AFF4: variants seen among roughly 807,000 people sequenced by gnomAD.
AFF4 encodes the protein ALF transcription elongation factor 4, also known as AF4/FMR2 family member 4.
In AFF4, 13 loss-of-function variants were observed where a neutral mutation model predicts 124.8. That is an observed-to-expected ratio of 0.10 (90% CI 0.07 to 0.17). The LOEUF is 0.17. Among genes scored for constraint, AFF4 ranks in the 10% least tolerant of loss-of-function variants. AFF4 has a pLI of 1.00. For synonymous variants in AFF4, 477 were observed against 496.1 expected, an observed-to-expected ratio of 0.96 and a Z score of 0.51; for missense variants, 1,092 against 1,403.8, an observed-to-expected ratio of 0.78 and a Z score of 3.55.
At chr5:132,884,252 A>G (rs1472150561) in intron 19 of AFF4, among the ~76,000 whole-genome samples, 3 of 152,178 alleles carry the variant, frequency 2.0e-5, no homozygotes, top group Non-Finnish European at 4.4e-5. Context: ...ATATATACAT[A>G]TTTTGGAGAC....
At chr5:132,888,698 T>C (rs1383611888) in intron 14 of AFF4, among the ~76,000 whole-genome samples, 4 of 152,086 alleles carry the variant, frequency 2.6e-5, no homozygotes, top group Admixed American at 2.0e-4. Flanking sequence ...TGATCAATGA[T>C]AGATTTTTTT....
At chr5:132,918,157 C>T (rs1399759934) in intron 5 of AFF4, among the ~76,000 whole-genome samples, 2 of 151,988 alleles carry the variant, frequency 1.3e-5, no homozygotes, top group Admixed American at 1.3e-4. Context: ...CTTTGGGAGG[C>T]CAAGGTGGGC....
At chr5:132,925,005 T>G (rs571413787) in intron 5 of AFF4, among the ~76,000 whole-genome samples, 31 of 151,858 alleles carry the variant, frequency 2.0e-4, no homozygotes, top group African/African-American at 7.3e-4. Context: ...TGAAACCCTG[T>G]CTCTACTAAA....
chr5:132,907,803 C>T (rs909550175), intron 5 of AFF4, among the ~76,000 whole-genome samples: 1 of 151,846 alleles, frequency 6.6e-6, no homozygotes, highest in Non-Finnish European at 1.5e-5. Flanking sequence ...AAGAGCATGG[C>T]TTGTACAAGG....
chr5:132,957,379 T>C (rs1761988072), intron 1 of AFF4, among the ~76,000 whole-genome samples: 1 of 151,954 alleles, frequency 6.6e-6, no homozygotes, highest in African/African-American at 2.4e-5. Flanking sequence ...AATGTTATTA[T>C]TTAAAATGTT....
intron 13 of AFF4, among the ~76,000 whole-genome samples, chr5:132,889,626 A>G (rs1051700907): frequency 1.3e-5 from 2 of 152,240 alleles, no homozygotes; most frequent in African/African-American, 4.8e-5. Flanking sequence ...AACCTATGAA[A>G]TAAGTACTGC....
chr5:132,900,081 A>C (rs970041971), intron 7 of AFF4, among the ~76,000 whole-genome samples: 4 of 152,236 alleles, frequency 2.6e-5, no homozygotes, highest in African/African-American at 9.6e-5. Flanking sequence ...CCCATGTTCC[A>C]TAAAGAGAGG....
rs35306718 is a variant in AFF4 at position 132,909,390 on chromosome 5, G to A, written c.1051-4986C>T. ...ACTCCTGATCTCAGGTGATCCACCC[G>A]CCTCAGCCTCCCCAGGTGCTGGGAT... On this transcript the variant is annotated intron_variant, in intron 5 of 20. Coordinates refer to ENST00000265343, the MANE Select transcript of AFF4 (RefSeq NM_014423.4). Among the ~76,000 whole-genome samples, 896 of 152,130 alleles carry A rather than the reference G, an allele frequency of 5.9e-3. 7 individuals carry two copies. The highest frequency in any genetic ancestry group is 0.011 in the Non-Finnish European group (725 of 67,986).
chr5:132,940,323 C>T (rs1761537578), intron 1 of AFF4, among the ~76,000 whole-genome samples: 1 of 151,732 alleles, frequency 6.6e-6, no homozygotes, highest in South Asian at 2.1e-4. Flanking sequence ...ACAGTGAAAC[C>T]CCATCTCTAC....
chr5:132,954,410 G>A (rs1250108079), intron 1 of AFF4, among the ~76,000 whole-genome samples: 1 of 152,202 alleles, frequency 6.6e-6, no homozygotes, highest in Non-Finnish European at 1.5e-5. Context: ...TGTGGGAGGG[G>A]GAGCACACAG....
At chr5:132,921,799 CAG>C (rs1561496083) in intron 5 of AFF4, among the ~76,000 whole-genome samples, 1 of 151,882 alleles carries the variant, frequency 6.6e-6, no homozygotes, top group East Asian at 1.9e-4. Flanking sequence ...CTTTCCCCCC[CAG>C]AGAGAGTCAG....
In AFF4 at chr5:132,934,204, C is replaced by A; in HGVS notation, c.861G>T (p.Leu287=). 1 of 1,614,170 alleles carries A rather than the reference C, an allele frequency of 6.2e-7. No individual in the cohort carries two copies. The highest frequency in any genetic ancestry group is 8.5e-7 in the Non-Finnish European group (1 of 1,180,032). ...TGAGATGTGCTTTGCTGCTGGGCTT[C>A]AGCTCAGTCATGCTGTTGCCATGGG... The part of the protein sequence containing the change: ...SQSHGNSMTE[L]KPSSKAHLTK... The change falls in exon 3 of 21, where the codon CTG becomes CTT. Residue 287 remains leucine, a synonymous_variant. Coordinates refer to ENST00000265343, the MANE Select transcript of AFF4 (RefSeq NM_014423.4).
intron 5 of AFF4, among the ~76,000 whole-genome samples, chr5:132,924,816 G>C (rs1761131693): frequency 6.6e-6 from 1 of 151,326 alleles, no homozygotes; most frequent in Non-Finnish European, 1.5e-5. Flanking sequence ...GATCGCACCA[G>C]GTGACACAGC....
At position 132,878,236 on chromosome 5, in the gene AFF4, T is replaced by C. The variant is rs1759887509; in HGVS notation, c.*2823A>G. 2 of 229,806 alleles carry C rather than the reference T, an allele frequency of 8.7e-6. No homozygotes were observed. The highest frequency in any genetic ancestry group is 3.6e-4 in the South Asian group (2 of 5,506). 14.2% of individuals were successfully genotyped at this position (229,806 alleles called of 1,614,324 possible). A position where few individuals can be genotyped will look rare whatever the true frequency, so the allele number is the denominator to read the frequency against. On this transcript the variant is annotated 3_prime_UTR_variant, in exon 21 of 21. Transcript: ENST00000265343. The stretch of plus-strand genomic sequence containing the variant: ...CAGTCTGGCCCAGGCAAGACTACTG[T>C]GACAACTGCAACCACTGCAATTGGT...
chr5:132,893,065 C>T lies in AFF4; in HGVS notation c.2361G>A (p.Lys787=). 1 of 1,614,126 alleles carries T rather than the reference C, an allele frequency of 6.2e-7. No individual in the cohort carries two copies. Among genetic ancestry groups the T allele is most frequent in the Non-Finnish European group, 8.5e-7 (1 of 1,179,992 alleles). The stretch of plus-strand genomic sequence containing the variant: ...TGGATGGCTTATGGCCTGCTGAATT[C>T]TTGTCCTCCGTTTTGGGTTTCTTGC... The part of the protein sequence containing the change: ...SESKKPKTED[K]NSAGHKPSSN... Residue 787 remains lysine, a synonymous_variant, in exon 12 of 21, where the codon AAG becomes AAA. Transcript: ENST00000265343.
At chr5:132,919,921 G>A (rs1761004130) in intron 5 of AFF4, among the ~76,000 whole-genome samples, 1 of 151,792 alleles carries the variant, frequency 6.6e-6, no homozygotes, top group Non-Finnish European at 1.5e-5. Context: ...AGGTGGGATG[G>A]TCACCTGAGC....
rs569628068 is a variant in AFF4 at position 132,930,875 on chromosome 5, G to A, written c.963+1303C>T. Among the ~76,000 whole-genome samples, 803 of 148,708 alleles carry A rather than the reference G, an allele frequency of 5.4e-3. 4 individuals are homozygous for A. Among genetic ancestry groups the A allele is most frequent in the Middle Eastern group, 0.028 (8 of 290 alleles). On this transcript the variant is annotated intron_variant, in intron 4 of 20. Transcript: ENST00000265343. ...TAATCCCAGCACTTTGGGAGGCCAAGGCAGGCAGACAGGAGTTCCAGACCA... is the reference window on the plus strand; with the variant it reads ...TAATCCCAGCACTTTGGGAGGCCAAAGCAGGCAGACAGGAGTTCCAGACCA...
intron 5 of AFF4, among the ~76,000 whole-genome samples, chr5:132,917,774 G>A (rs1760949156): frequency 7.8e-6 from 1 of 128,106 alleles, no homozygotes; most frequent in Non-Finnish European, 1.6e-5. Flanking sequence ...GTGCAATGGC[G>A]CAATCTCGGC....
chr5:132,878,457 CT>C lies in AFF4; in HGVS notation c.*2601del, dbSNP rs1202983528. 1 of 232,028 alleles carries C rather than the reference CT, an allele frequency of 4.3e-6. No homozygotes were observed. Among genetic ancestry groups the C allele is most frequent in the African/African-American group, 2.2e-5 (1 of 45,232 alleles). 14.4% of individuals were successfully genotyped at this position (232,028 alleles called of 1,614,324 possible). A position where few individuals can be genotyped will look rare whatever the true frequency, so the allele number is the denominator to read the frequency against. ...TTCAGTTTTAAATGCTTAGAAAACA[CT>C]GAGGACACCTATTGAGGAGGGAGGG... On this transcript the variant is annotated 3_prime_UTR_variant, in exon 21 of 21. Coordinates refer to ENST00000265343, the MANE Select transcript of AFF4 (RefSeq NM_014423.4).
Sources: allele counts gnomAD v4.1 joint callset (sites outside exome capture counted in the v4.1 genomes callset), GRCh38; gene constraint gnomAD v4.1.1; transcripts MANE v1.5; gene names NCBI Gene and HGNC (gene_info 2026-07-23, HGNC 2026-07-21).